DLG1: variants seen among roughly 807,000 people sequenced by gnomAD.
The protein encoded by DLG1 is discs large MAGUK scaffold protein 1.
A neutral mutation model predicts 123.4 loss-of-function variants in DLG1; 42 were observed. The ratio of observed to expected loss-of-function variants is 0.34; its 90% CI spans 0.27 to 0.44. DLG1 has a LOEUF of 0.44. DLG1 is among the 20% of genes least tolerant of loss of function. DLG1 has a pLI of 1.00. For missense variants in DLG1, 942 were observed against 1,082.6 expected (o/e 0.87, Z 1.82); for synonymous variants, 317 against 356.2 (o/e 0.89, Z 1.24).
chr3:197,085,084 A>G (rs1753536071), intron 16 of DLG1, among the ~76,000 whole-genome samples: 1 of 151,494 alleles, frequency 6.6e-6, no homozygotes, highest in Non-Finnish European at 1.5e-5. Flanking sequence ...CACCGTGCCC[A>G]GCCTAATTGT....
At chr3:197,046,180 C>T (rs974743670) in intron 24 of DLG1, among the ~76,000 whole-genome samples, 3 of 152,036 alleles carry the variant, frequency 2.0e-5, no homozygotes, top group Non-Finnish European at 4.4e-5. Flanking sequence ...GGACAGAATC[C>T]CAGAGCATTT....
At chr3:197,130,134 G>T (rs184634381) in intron 11 of DLG1, among the ~76,000 whole-genome samples, 3 of 152,186 alleles carry the variant, frequency 2.0e-5, no homozygotes, top group Non-Finnish European at 4.4e-5. Context: ...ATAAAGCAAA[G>T]CCCAATAAAA....
intron 4 of DLG1, among the ~76,000 whole-genome samples, chr3:197,273,065 A>G (rs1034690000): frequency 2.0e-5 from 3 of 152,102 alleles, no homozygotes; most frequent in Non-Finnish European, 2.9e-5. Context: ...TTCACAATGC[A>G]GTAATTAATC....
intron 11 of DLG1, among the ~76,000 whole-genome samples, chr3:197,122,714 T>C (rs1438716107): frequency 1.3e-5 from 2 of 152,022 alleles, no homozygotes; most frequent in Non-Finnish European, 2.9e-5. Context: ...CAGGACTAAA[T>C]CTAACATATA....
At chr3:197,200,704 A>C (rs1029587182) in intron 4 of DLG1, among the ~76,000 whole-genome samples, 1 of 152,204 alleles carries the variant, frequency 6.6e-6, no homozygotes, top group Admixed American at 6.5e-5. Context: ...TACATCACAT[A>C]AACAGAAATA....
intron 12 of DLG1, among the ~76,000 whole-genome samples, chr3:197,118,982 C>A (rs963254945): frequency 1.2e-4 from 18 of 152,022 alleles, no homozygotes; most frequent in Non-Finnish European, 2.2e-4. Context: ...CCAGCCTGGG[C>A]AACAGAGTAA....
At chr3:197,286,613 C>A (rs757712584) in intron 3 of DLG1, among the ~76,000 whole-genome samples, 19 of 151,814 alleles carry the variant, frequency 1.3e-4, no homozygotes, top group South Asian at 6.2e-4. Context: ...CGTGTCAAAG[C>A]AAAAAATGTG....
intron 7 of DLG1, among the ~76,000 whole-genome samples, chr3:197,141,318 T>C (rs1787846161): frequency 6.6e-6 from 1 of 152,184 alleles, no homozygotes; most frequent in Non-Finnish European, 1.5e-5. Flanking sequence ...AAATACAATG[T>C]ATAGTCCTAA....
Position 197,130,540 on chromosome 3 carries a change from A to G in DLG1, c.1152T>C (p.Pro384=). 6.2e-7 allele frequency: 1 copy of G among 1,603,090 alleles called. No homozygotes were observed. Among genetic ancestry groups the G allele is most frequent in the East Asian group, 2.2e-5 (1 of 44,514 alleles). The change falls in exon 11 of 25, where the codon CCT becomes CCC. Residue 384 remains proline, a synonymous_variant. Coordinates refer to ENST00000667157, the MANE Select transcript of DLG1 (RefSeq NM_001366207.1). ...TAACAGACTTACAGTTGGTGATATC[A>G]GGTGGTGCATAGCCATCATTCATAT... The part of the protein sequence containing the change: ...SMYMNDGYAP[P]DITNSSSQPV...
chr3:197,048,554 G>T (rs1448207858), intron 24 of DLG1, among the ~76,000 whole-genome samples: 1 of 152,170 alleles, frequency 6.6e-6, no homozygotes, highest in African/African-American at 2.4e-5. Context: ...TAACAAGTAG[G>T]CAATGGTATG....
rs562100755 is a variant in DLG1 at position 197,136,526 on chromosome 3, G to A, written c.1020+16C>T. 52 of 1,593,160 alleles carry A rather than the reference G, an allele frequency of 3.3e-5. No homozygotes were observed. In the East Asian group the frequency reaches 9.6e-4, roughly 30 times the overall value. ...CTACAAAATGATTTAAAAGACAATA[G>A]ATTTCTTATACTTACTGCTAAAAGT... On this transcript the variant is annotated intron_variant, in intron 10 of 24. Coordinates refer to ENST00000667157, the MANE Select transcript of DLG1 (RefSeq NM_001366207.1).
chr3:197,256,246 C>T (rs1483124545), intron 4 of DLG1, among the ~76,000 whole-genome samples: 1 of 152,216 alleles, frequency 6.6e-6, no homozygotes, highest in Non-Finnish European at 1.5e-5. Flanking sequence ...TTCAGCTTTG[C>T]AGGCCATATG....
chr3:197,218,677 A>C (rs956878546), intron 4 of DLG1, among the ~76,000 whole-genome samples: 3 of 152,234 alleles, frequency 2.0e-5, no homozygotes, highest in Admixed American at 1.3e-4. Flanking sequence ...TATATTCAAA[A>C]AATCAGTAAT....
At chr3:197,050,870 TTTATC>T (rs1194214880) in intron 24 of DLG1, among the ~76,000 whole-genome samples, 1 of 152,232 alleles carries the variant, frequency 6.6e-6, no homozygotes, top group African/African-American at 2.4e-5. Context: ...AATGTACACA[TTTATC>T]AAATCACATT....
intron 5 of DLG1, among the ~76,000 whole-genome samples, chr3:197,156,942 A>G (rs866407074): frequency 2.6e-5 from 4 of 152,206 alleles, no homozygotes; most frequent in African/African-American, 4.8e-5. Context: ...ACAATATACC[A>G]AAGAGACACA....
At chr3:197,051,746 A>G (rs1398703383) in intron 23 of DLG1, 78 bp from the exon 24 acceptor site, 2 of 1,085,698 alleles carry the variant, frequency 1.8e-6, no homozygotes, top group Non-Finnish European at 2.7e-6. Context: ...GAGAGATGAC[A>G]CATAAAATAG....
intron 4 of DLG1, among the ~76,000 whole-genome samples, chr3:197,238,293 C>A (rs917001255): frequency 6.6e-6 from 1 of 152,098 alleles, no homozygotes; most frequent in Non-Finnish European, 1.5e-5. Flanking sequence ...TATAAAAAGA[C>A]AATCAGGAGA....
At chr3:197,108,682 G>A (rs1310232834) in intron 13 of DLG1, among the ~76,000 whole-genome samples, 2 of 152,160 alleles carry the variant, frequency 1.3e-5, no homozygotes, top group East Asian at 3.8e-4. Context: ...TACAGCCACA[G>A]TAGGTGTCTT....
intron 13 of DLG1, among the ~76,000 whole-genome samples, chr3:197,111,287 G>C (rs1769857943): frequency 6.6e-6 from 1 of 152,044 alleles, no homozygotes. Context: ...GAATGTTCTG[G>C]GTGAACTAGG....
Sources: allele counts gnomAD v4.1 joint callset (sites outside exome capture counted in the v4.1 genomes callset), GRCh38; gene constraint gnomAD v4.1.1; transcripts MANE v1.5; gene names NCBI Gene and HGNC (gene_info 2026-07-23, HGNC 2026-07-21).